GCH1: variants seen among roughly 807,000 people sequenced by gnomAD.
GCH1 encodes GTP cyclohydrolase 1, also known as GTP cyclohydrolase I.
In GCH1, 5 loss-of-function variants were observed where a neutral mutation model predicts 25.9. That is an observed-to-expected ratio of 0.19 (90% CI 0.10 to 0.41). GCH1 has a LOEUF of 0.41. Ranked by LOEUF, GCH1 falls within the 10% of genes least tolerant of loss-of-function variation. The pLI is 1.00. For synonymous variants in GCH1, 159 were observed against 129.6 expected (o/e 1.23, Z -1.54); for missense variants, 261 against 336.5 (o/e 0.78, Z 1.75).
chr14:54,894,743 CAA>C (rs10545051), intron 1 of GCH1, among the ~76,000 whole-genome samples: 45,446 of 151,804 alleles, frequency 0.3, 8,641 homozygotes, highest in African/African-American at 0.54. Flanking sequence ...TATAATATGT[CAA>C]AAGTGCCTTG....
At position 54,843,250 on chromosome 14, in the gene GCH1, C is replaced by T. The variant is rs1332770445; in HGVS notation, c.*767G>A. On this transcript the variant is annotated 3_prime_UTR_variant, in exon 6 of 6. Coordinates refer to ENST00000491895, the MANE Select transcript of GCH1 (RefSeq NM_000161.3). ...AGTACTAAGTCTCATAAAATAATGG[C>T]TTTTTTAAAAAGGCAAAAGTATCTA... The T allele has an allele frequency of 2.2e-6, 3 of 1,380,750 alleles. No individual in the cohort carries two copies. Among genetic ancestry groups the T allele is most frequent in the Admixed American group, 6.3e-5 (2 of 31,624 alleles). 85.5% of individuals were successfully genotyped at this position (1,380,750 alleles called of 1,614,324 possible).
intron 3 of GCH1, among the ~76,000 whole-genome samples, chr14:54,853,561 G>C (rs1287627128): frequency 1.3e-5 from 2 of 152,270 alleles, no homozygotes; most frequent in East Asian, 1.9e-4. Context: ...GCTGTGCCAA[G>C]AGGGGCATTA....
intron 1 of GCH1, among the ~76,000 whole-genome samples, chr14:54,896,645 G>T (rs2040487282): frequency 6.6e-6 from 1 of 151,984 alleles, no homozygotes; most frequent in Admixed American, 6.6e-5. Flanking sequence ...GGGAGCGGTG[G>T]CTCACGCCTG....
At chr14:54,848,519 C>T (rs1211530991) in intron 3 of GCH1, among the ~76,000 whole-genome samples, 1 of 152,174 alleles carries the variant, frequency 6.6e-6, no homozygotes, top group Non-Finnish European at 1.5e-5. Context: ...GATGACTATT[C>T]ACACTGAGGA....
At chr14:54,860,218 G>A (rs183509221) in intron 2 of GCH1, among the ~76,000 whole-genome samples, 156 of 152,302 alleles carry the variant, frequency 1.0e-3, no homozygotes, top group Non-Finnish European at 1.8e-3. Flanking sequence ...TGTTGTTCAA[G>A]AGTCAATTGC....
At chr14:54,900,584 C>T (rs1183819130) in intron 1 of GCH1, among the ~76,000 whole-genome samples, 1 of 152,162 alleles carries the variant, frequency 6.6e-6, no homozygotes, top group African/African-American at 2.4e-5. Context: ...AATCTTCGCT[C>T]ATGAGATATT....
intron 3 of GCH1, among the ~76,000 whole-genome samples, chr14:54,856,912 G>T (rs2039820754): frequency 6.6e-6 from 1 of 152,170 alleles, no homozygotes; most frequent in Non-Finnish European, 1.5e-5. Context: ...AGGCTTTACT[G>T]CTTGATATTT....
chr14:54,893,878 G>A (rs2040453924), intron 1 of GCH1, among the ~76,000 whole-genome samples: 1 of 152,180 alleles, frequency 6.6e-6, no homozygotes. Flanking sequence ...TATGCCAAGT[G>A]CTCTCACTGA....
chr14:54,844,684 T>G (rs1489831572), intron 5 of GCH1, among the ~76,000 whole-genome samples: 4 of 152,230 alleles, frequency 2.6e-5, no homozygotes, highest in African/African-American at 9.6e-5. Flanking sequence ...AGAACAGAGT[T>G]CACACCACGT....
chr14:54,863,919 C>T (rs1046855054), intron 2 of GCH1, among the ~76,000 whole-genome samples: 4 of 152,030 alleles, frequency 2.6e-5, no homozygotes, highest in Non-Finnish European at 2.9e-5. Flanking sequence ...GATATAGTGG[C>T]GCAATCTCGG....
At chr14:54,852,739 C>T (rs2039751010) in intron 3 of GCH1, among the ~76,000 whole-genome samples, 3 of 152,236 alleles carry the variant, frequency 2.0e-5, no homozygotes, top group African/African-American at 7.2e-5. Context: ...CTCCAAGAAC[C>T]CATCGACAAC....
intron 3 of GCH1, among the ~76,000 whole-genome samples, chr14:54,848,749 C>G (rs935675685): frequency 6.6e-5 from 10 of 152,132 alleles, no homozygotes; most frequent in African/African-American, 2.4e-4. Context: ...TCCTAGCTCT[C>G]CTTTATCCCA....
chr14:54,842,788 C>T lies in GCH1; in HGVS notation c.*1229G>A, dbSNP rs554045962. ...TTTGTTTGTTTTAATTTGGCCCACG[C>T]TGCCCCAATGGAGGAAATTTTAAGA... On this transcript the variant is annotated 3_prime_UTR_variant, in exon 6 of 6. Transcript: ENST00000491895. 2.5e-6 allele frequency: 1 copy of T among 398,252 alleles called. No homozygotes were observed. The highest frequency in any genetic ancestry group is 2.1e-5 in the African/African-American group (1 of 48,452). 24.7% of individuals were successfully genotyped at this position (398,252 alleles called of 1,614,324 possible).
intron 1 of GCH1, among the ~76,000 whole-genome samples, chr14:54,892,471 C>T (rs2040435714): frequency 6.6e-6 from 1 of 152,086 alleles, no homozygotes. Context: ...GGCGGATCAT[C>T]TGAGGTCAGG....
At chr14:54,893,006 G>A (rs952681897) in intron 1 of GCH1, among the ~76,000 whole-genome samples, 2 of 152,126 alleles carry the variant, frequency 1.3e-5, no homozygotes, top group African/African-American at 4.8e-5. Flanking sequence ...TTGAACCTGG[G>A]CGGCAGAGGT....
chr14:54,868,950 G>A (rs1409445603), intron 1 of GCH1, among the ~76,000 whole-genome samples: 2 of 151,890 alleles, frequency 1.3e-5, no homozygotes, highest in African/African-American at 4.8e-5. Flanking sequence ...TATTGCTCAA[G>A]CTAGTCTTAA....
rs559449087 is a variant in GCH1 at position 54,887,518 on chromosome 14, G to A, written c.343+14803C>T. On this transcript the variant is annotated intron_variant, in intron 1 of 5. Coordinates refer to ENST00000491895, the MANE Select transcript of GCH1 (RefSeq NM_000161.3). The stretch of plus-strand genomic sequence containing the variant: ...GTGGCAGGGGTTGGGGGCGGTAGGC[G>A]CTATTCCAGATTAAAACGTAATAAT... 5.8e-4 allele frequency among the ~76,000 whole-genome samples: 88 copies of A among 152,304 alleles called. No individual in the cohort carries two copies. In the South Asian group the frequency reaches 0.017, roughly 30 times the overall value.
chr14:54,862,454 C>G (rs1414292966), intron 2 of GCH1, among the ~76,000 whole-genome samples: 19 of 139,000 alleles, frequency 1.4e-4, no homozygotes, highest in Admixed American at 1.2e-3. Context: ...GTGATCTCGG[C>G]TCACTGCAGC....
At chr14:54,872,543 A>G (rs1479204484) in intron 1 of GCH1, among the ~76,000 whole-genome samples, 1 of 152,204 alleles carries the variant, frequency 6.6e-6, no homozygotes, top group Non-Finnish European at 1.5e-5. Context: ...ATTAAAAGAC[A>G]CAGAATGGCA....
Sources: gnomAD v4.1 joint callset for allele counts (sites outside exome capture counted in the v4.1 genomes callset) on GRCh38, gnomAD v4.1.1 for gene constraint, MANE v1.5 for transcripts, NCBI Gene and HGNC (gene_info 2026-07-23, HGNC 2026-07-21) for gene names.